Variants in KCTD8 observed in about 807,000 individuals in gnomAD.
KCTD8 encodes the protein potassium channel tetramerization domain containing 8.
In KCTD8, 27 loss-of-function variants were observed where a neutral mutation model predicts 31.5. The ratio of observed to expected loss-of-function variants is 0.86; its 90% CI spans 0.63 to 1.18. The LOEUF (loss-of-function observed/expected upper bound fraction) is 1.18, where lower values mean the gene tolerates loss of function less well. KCTD8 is among the 50% of genes most tolerant of loss of function. The pLI is 0.00. For synonymous variants in KCTD8, 290 were observed against 280.0 expected, an observed-to-expected ratio of 1.04 and a Z score of -0.36; for missense variants, 658 against 647.7, an observed-to-expected ratio of 1.02 and a Z score of -0.17.
intron 1 of KCTD8, among the ~76,000 whole-genome samples, chr4:44,263,486 C>T (rs1304099028): frequency 2.6e-5 from 4 of 152,098 alleles, no homozygotes; most frequent in Non-Finnish European, 4.4e-5. Flanking sequence ...CAGATTTAAA[C>T]ACTGCATTTG....
chr4:44,235,470 G>T (rs2109354406), intron 1 of KCTD8, among the ~76,000 whole-genome samples: 1 of 139,862 alleles, frequency 7.1e-6, no homozygotes, highest in Middle Eastern at 3.8e-3. Context: ...TAGAGAGCAA[G>T]AGAGAGACTG....
At chr4:44,180,359 ATAGT>A (rs887173335) in intron 1 of KCTD8, among the ~76,000 whole-genome samples, 6 of 152,190 alleles carry the variant, frequency 3.9e-5, no homozygotes, top group African/African-American at 9.7e-5. Flanking sequence ...ATTATTTTAA[ATAGT>A]TAGATAAATA....
chr4:44,408,597 T>C (rs1720868069), intron 1 of KCTD8, among the ~76,000 whole-genome samples: 1 of 152,330 alleles, frequency 6.6e-6, no homozygotes, highest in Non-Finnish European at 1.5e-5. Context: ...AGATAATTTG[T>C]AATCACTCTT....
At chr4:44,267,183 T>C (rs920657520) in intron 1 of KCTD8, among the ~76,000 whole-genome samples, 2 of 152,140 alleles carry the variant, frequency 1.3e-5, no homozygotes, top group Non-Finnish European at 2.9e-5. Flanking sequence ...ACAGAAATTA[T>C]AACAAATTGT....
chr4:44,244,616 T>C (rs566729977), intron 1 of KCTD8, among the ~76,000 whole-genome samples: 2 of 152,250 alleles, frequency 1.3e-5, no homozygotes, highest in South Asian at 2.1e-4. Flanking sequence ...CTCCCAATGA[T>C]TTGCTATGTA....
In KCTD8 at chr4:44,217,549, G is replaced by A. The variant is rs77157855; in HGVS notation, c.962-42299C>T. ...AGCTGGTGAAGTATTGTTTCCGGGT[G>A]TGTCTGTGAGGGTGCTGCCAGAGAA... On this transcript the variant is annotated intron_variant, in intron 1 of 1. Transcript: ENST00000360029. Among the ~76,000 whole-genome samples, 81 of 152,320 alleles carry A rather than the reference G, an allele frequency of 5.3e-4. 1 individual carries two copies. The East Asian group carries it at 0.014, about 27-fold the overall frequency.
chr4:44,408,569 A>G (rs928465188), intron 1 of KCTD8, among the ~76,000 whole-genome samples: 1 of 152,192 alleles, frequency 6.6e-6, no homozygotes, highest in Non-Finnish European at 1.5e-5. Flanking sequence ...AGATTTTTCA[A>G]TTCAAAAGGT....
At chr4:44,437,945 C>A (rs2109482162) in intron 1 of KCTD8, among the ~76,000 whole-genome samples, 1 of 152,150 alleles carries the variant, frequency 6.6e-6, no homozygotes, top group South Asian at 2.1e-4. Flanking sequence ...ATAAATGATA[C>A]CAATAATTTG....
intron 1 of KCTD8, among the ~76,000 whole-genome samples, chr4:44,420,881 G>T (rs976373452): frequency 6.6e-6 from 1 of 151,910 alleles, no homozygotes; most frequent in Non-Finnish European, 1.5e-5. Context: ...AGACTCGAAC[G>T]AAGTTAAATT....
chr4:44,265,805 G>T (rs533835527), intron 1 of KCTD8, among the ~76,000 whole-genome samples: 67 of 152,166 alleles, frequency 4.4e-4, no homozygotes, highest in Non-Finnish European at 8.8e-5. Flanking sequence ...CATGGAAGAT[G>T]AAATGAATGA....
chr4:44,399,432 G>C (rs184949352), intron 1 of KCTD8, among the ~76,000 whole-genome samples: 1 of 152,286 alleles, frequency 6.6e-6, no homozygotes, highest in East Asian at 1.9e-4. Context: ...AAACAAACCA[G>C]TGGAATAATT....
intron 1 of KCTD8, among the ~76,000 whole-genome samples, chr4:44,346,272 G>A (rs1272423283): frequency 1.3e-5 from 2 of 152,070 alleles, no homozygotes; most frequent in Non-Finnish European, 2.9e-5. Context: ...TCAGTTGATT[G>A]CTGTAACCGG....
intron 1 of KCTD8, among the ~76,000 whole-genome samples, chr4:44,317,150 C>T (rs1405597965): frequency 6.7e-6 from 1 of 150,048 alleles, no homozygotes; most frequent in East Asian, 1.9e-4. Context: ...GAGTCTCCAG[C>T]AGGAGTTAAT....
intron 1 of KCTD8, among the ~76,000 whole-genome samples, chr4:44,211,504 A>G (rs1714483366): frequency 6.6e-6 from 1 of 152,200 alleles, no homozygotes; most frequent in Admixed American, 6.5e-5. Context: ...GTGAGTTGCT[A>G]TAGTTCACTC....
At chr4:44,432,714 C>T (rs2109478715) in intron 1 of KCTD8, among the ~76,000 whole-genome samples, 1 of 151,778 alleles carries the variant, frequency 6.6e-6, no homozygotes, top group Admixed American at 6.6e-5. Flanking sequence ...TCTTCCCTCT[C>T]TATTTATGTA....
chr4:44,417,355 G>A (rs190179013), intron 1 of KCTD8, among the ~76,000 whole-genome samples: 1 of 152,230 alleles, frequency 6.6e-6, no homozygotes, highest in Non-Finnish European at 1.5e-5. Context: ...ATAGCTCACA[G>A]GATACTACTC....
intron 1 of KCTD8, among the ~76,000 whole-genome samples, chr4:44,258,207 G>A (rs1318787779): frequency 6.6e-6 from 1 of 151,788 alleles, no homozygotes; most frequent in Non-Finnish European, 1.5e-5. Context: ...TTAAGTTTAA[G>A]GCAATATCTA....
At chr4:44,225,626 T>A (rs1001154987) in intron 1 of KCTD8, among the ~76,000 whole-genome samples, 5 of 152,154 alleles carry the variant, frequency 3.3e-5, no homozygotes, top group African/African-American at 1.2e-4. Flanking sequence ...GTATCCACGA[T>A]GGTGATGATT....
intron 1 of KCTD8, among the ~76,000 whole-genome samples, chr4:44,264,774 T>C (rs1269090674): frequency 2.0e-5 from 3 of 152,150 alleles, no homozygotes; most frequent in African/African-American, 7.2e-5. Context: ...CCATGGAGTC[T>C]TGCTGATTGC....
Sources: gnomAD v4.1 joint callset for allele counts (sites outside exome capture counted in the v4.1 genomes callset) on GRCh38, gnomAD v4.1.1 for gene constraint, MANE v1.5 for transcripts, NCBI Gene and HGNC (gene_info 2026-07-23, HGNC 2026-07-21) for gene names.